The following ARHGEF33 variants were observed in gnomAD, a reference collection of about 807,000 sequenced individuals.
ARHGEF33 encodes the protein DH and coiled-coil domain-containing protein ENSP00000381780.
ARHGEF33 carries 72 observed loss-of-function variants against 101.9 expected under a neutral mutation model. That is an observed-to-expected ratio of 0.71 (90% CI 0.58 to 0.86). ARHGEF33 has a LOEUF of 0.86. Ranked by LOEUF, ARHGEF33 falls within the 40% of genes least tolerant of loss-of-function variation. ARHGEF33 has a pLI of 0.00. For missense variants in ARHGEF33, 1,169 were observed against 1,111.3 expected, an observed-to-expected ratio of 1.05 and a Z score of -0.74; for synonymous variants, 499 against 442.5, an observed-to-expected ratio of 1.13 and a Z score of -1.60.
chr2:38,958,382 T>G (rs927702935), intron 15 of ARHGEF33, among the ~76,000 whole-genome samples, 184 bp downstream of exon 15: 1 of 152,152 alleles, frequency 6.6e-6, no homozygotes, highest in South Asian at 2.1e-4. Flanking sequence ...GGGACAGGTG[T>G]AGAAAGTGGG....
intron 2 of ARHGEF33, among the ~76,000 whole-genome samples, chr2:38,907,390 A>T (rs958241957): frequency 6.6e-6 from 1 of 152,214 alleles, no homozygotes; most frequent in African/African-American, 2.4e-5. Flanking sequence ...TTCTGAGAGC[A>T]CCAAAGGCAG....
intron 3 of ARHGEF33, among the ~76,000 whole-genome samples, chr2:38,921,084 C>G (rs1163265594): frequency 2.0e-5 from 3 of 152,188 alleles, no homozygotes. Context: ...TCCTTTGTGG[C>G]TATTTAATAA....
chr2:38,973,456 T>A (rs1668209884), intron 17 of ARHGEF33, among the ~76,000 whole-genome samples: 1 of 152,202 alleles, frequency 6.6e-6, no homozygotes. Flanking sequence ...CCTATTATGA[T>A]GTTATTACAC....
intron 2 of ARHGEF33, among the ~76,000 whole-genome samples, chr2:38,898,088 T>G (rs1468654791): frequency 2.0e-5 from 3 of 152,162 alleles, no homozygotes; most frequent in African/African-American, 7.2e-5. Context: ...TCTATATTAG[T>G]GCATGGCTAA....
intron 2 of ARHGEF33, among the ~76,000 whole-genome samples, chr2:38,910,152 T>G (rs533488650): frequency 1.2e-4 from 19 of 152,322 alleles, no homozygotes; most frequent in Non-Finnish European, 2.4e-4. Context: ...GGAGTAGATA[T>G]TTGACCTTCT....
chr2:38,906,806 A>C (rs1012076942), intron 2 of ARHGEF33, among the ~76,000 whole-genome samples: 23 of 116,054 alleles, frequency 2.0e-4, no homozygotes, highest in African/African-American at 8.0e-4. Flanking sequence ...CTGTATCTAC[A>C]AAAAAAAAAA....
At chr2:38,966,638 A>G (rs1263507149) in intron 17 of ARHGEF33, among the ~76,000 whole-genome samples, 1 of 152,202 alleles carries the variant, frequency 6.6e-6, no homozygotes, top group Non-Finnish European at 1.5e-5. Flanking sequence ...CTTTCCCTGA[A>G]TGAGTGGATT....
chr2:38,960,777 C>A (rs1275919392), intron 16 of ARHGEF33, 129 bp downstream of exon 16: 16 of 777,712 alleles, frequency 2.1e-5, no homozygotes, highest in Non-Finnish European at 2.6e-5. Flanking sequence ...CTGCGCGAGC[C>A]GTCGGCGGGT....
At chr2:38,954,720 G>A (rs1667697578) in intron 13 of ARHGEF33, among the ~76,000 whole-genome samples, 1 of 147,096 alleles carries the variant, frequency 6.8e-6, no homozygotes, top group Admixed American at 7.0e-5. Context: ...TGCAACCTCT[G>A]CCTCCTGGGT....
At chr2:38,950,236 T>A (rs1349665401) in intron 10 of ARHGEF33, among the ~76,000 whole-genome samples, 3 of 152,194 alleles carry the variant, frequency 2.0e-5, no homozygotes, top group African/African-American at 4.8e-5. Context: ...CCTACTTACC[T>A]AAATAGCAGT....
intron 2 of ARHGEF33, among the ~76,000 whole-genome samples, chr2:38,912,043 A>T (rs1166196484): frequency 6.6e-6 from 1 of 152,196 alleles, no homozygotes; most frequent in East Asian, 1.9e-4. Context: ...CCTGGGCTTC[A>T]AAAAATATAA....
chr2:38,943,707 A>C (rs1478895997), intron 9 of ARHGEF33, among the ~76,000 whole-genome samples, 194 bp from the exon 10 acceptor site: 2 of 152,176 alleles, frequency 1.3e-5, no homozygotes, highest in African/African-American at 4.8e-5. Flanking sequence ...GCAGATGGGG[A>C]CACCAAGACT....
At chr2:38,922,349 C>G (rs183183965) in intron 4 of ARHGEF33, among the ~76,000 whole-genome samples, 1 of 152,116 alleles carries the variant, frequency 6.6e-6, no homozygotes, top group African/African-American at 2.4e-5. Context: ...AGTGCTCTCA[C>G]AAGCAGAAAT....
chr2:38,938,621 A>G (rs1317017880), intron 9 of ARHGEF33, among the ~76,000 whole-genome samples: 2 of 152,224 alleles, frequency 1.3e-5, no homozygotes, highest in Non-Finnish European at 2.9e-5. Context: ...CACAGAGCTT[A>G]CATTTAAGCT....
chr2:38,925,498 A>T (rs1666851147), intron 4 of ARHGEF33, among the ~76,000 whole-genome samples: 3 of 152,204 alleles, frequency 2.0e-5, no homozygotes, highest in South Asian at 2.1e-4. Context: ...GCTGCATGTC[A>T]GTCTCAGTAA....
chr2:38,947,275 G>GCTTC (rs1337976483), intron 10 of ARHGEF33, among the ~76,000 whole-genome samples: 1 of 152,212 alleles, frequency 6.6e-6, no homozygotes, highest in Non-Finnish European at 1.5e-5. Context: ...TCACTCAAGA[G>GCTTC]CTTCCTCAGC....
At chr2:38,917,765 G>T (rs534063068) in intron 2 of ARHGEF33, among the ~76,000 whole-genome samples, 1 of 151,024 alleles carries the variant, frequency 6.6e-6, no homozygotes, top group South Asian at 2.1e-4. Context: ...GGAGTTCAAG[G>T]CTCCAGTGAG....
At chr2:38,899,944 T>C (rs1311475153) in intron 2 of ARHGEF33, among the ~76,000 whole-genome samples, 1 of 152,106 alleles carries the variant, frequency 6.6e-6, no homozygotes, top group Non-Finnish European at 1.5e-5. Flanking sequence ...ATCCTAGCAC[T>C]TTGGAAGGCT....
At chr2:38,933,995 C>T (rs1267023335) in intron 7 of ARHGEF33, among the ~76,000 whole-genome samples, 1 of 152,200 alleles carries the variant, frequency 6.6e-6, no homozygotes, top group Admixed American at 6.5e-5. Flanking sequence ...CCTTTCCCCA[C>T]TCAAGAAACT....
Sources: allele counts gnomAD v4.1 joint callset (sites outside exome capture counted in the v4.1 genomes callset), GRCh38; gene constraint gnomAD v4.1.1; transcripts MANE v1.5; gene names NCBI Gene and HGNC (gene_info 2026-07-23, HGNC 2026-07-21).